WNK2: variants seen among roughly 807,000 people sequenced by gnomAD.
The protein encoded by WNK2 is serine/threonine-protein kinase WNK2.
Under a neutral mutation model 192.1 loss-of-function variants are expected in WNK2, and 67 were observed. The observed-to-expected ratio is 0.35, with a 90% CI of 0.29 to 0.43. WNK2 has a LOEUF of 0.43. WNK2 is among the 20% of genes least tolerant of loss of function. WNK2 has a pLI of 1.00. For missense variants in WNK2, 2,698 were observed against 3,089.7 expected (o/e 0.87, Z 3.01); for synonymous variants, 1,439 against 1,393.9 (o/e 1.03, Z -0.72).
At chr9:93,219,443 T>C (rs1031637982) in intron 2 of WNK2, among the ~76,000 whole-genome samples, 32 of 152,210 alleles carry the variant, frequency 2.1e-4, no homozygotes, top group African/African-American at 7.7e-4. Flanking sequence ...TGGATATGGA[T>C]CCTAGGGAGG....
chr9:93,239,941 GAGA>G lies in WNK2; in HGVS notation c.1510_1512del (p.Lys504del), dbSNP rs1588118018. ...AGCCATAGAGTTCACCTTCGACCTG[GAGA>G]AGGAGACGCCGGATGAGGTGGCCCA... On this transcript the variant is annotated inframe_deletion, in exon 7 of 30. Coordinates refer to ENST00000427277, the MANE Select transcript of WNK2 (RefSeq NM_006648.4). The surrounding 1 kb of genome is among the most constrained non-coding windows in gnomAD (Gnocchi z 4.2). 1 of 1,612,206 alleles carries G rather than the reference GAGA, an allele frequency of 6.2e-7. No homozygotes were observed. The highest frequency in any genetic ancestry group is 1.3e-5 in the African/African-American group (1 of 74,914).
chr9:93,292,937 G>C lies in WNK2; in HGVS notation c.5472G>C (p.Ala1824=), dbSNP rs139167141. 4 of 1,530,160 alleles carry C rather than the reference G, an allele frequency of 2.6e-6. No homozygotes were observed. The highest frequency in any genetic ancestry group is 2.8e-5 in the African/African-American group (2 of 72,414). 94.8% of individuals were successfully genotyped at this position (1,530,160 alleles called of 1,614,324 possible). Residue 1824 remains alanine (A), a synonymous_variant, in exon 23 of 30, where the codon GCG becomes GCC. Transcript: ENST00000427277. The part of the protein sequence containing the change: ...PRARPPVQKQ[A]SLPVSGSVAG... ...CGAGACCCCCGGTGCAGAAGCAGGC[G>C]TCCCTGCCCGTGAGTGGCAGCGTGG... is the stretch of plus-strand genomic sequence containing the variant.
At chr9:93,219,179 A>T (rs552857464) in intron 2 of WNK2, among the ~76,000 whole-genome samples, 1 of 152,380 alleles carries the variant, frequency 6.6e-6, no homozygotes, top group South Asian at 2.1e-4. Context: ...GTGCCTTGGC[A>T]CGAGGTGGCC....
chr9:93,201,202 C>A (rs1832287251), intron 2 of WNK2, among the ~76,000 whole-genome samples: 1 of 152,150 alleles, frequency 6.6e-6, no homozygotes, highest in African/African-American at 2.4e-5. Flanking sequence ...CTTAACAGCC[C>A]CTCTGTGTGG....
chr9:93,259,383 TCCACAACCCACACTGCCC>T lies in WNK2; in HGVS notation c.2845_2862del (p.Thr949_Pro954del), dbSNP rs750220057. 8.7e-6 allele frequency: 14 copies of T among 1,601,344 alleles called. No homozygotes were observed. The African/African-American group carries it at 1.8e-4, about 21-fold the overall frequency. ...CCACCCCTCCACAGCCGGCACTGCC[TCCACAACCCACACTGCCC>T]CCACAACCCGTGCTGCCCCCGCAAC... On this transcript the variant is annotated inframe_deletion, in exon 12 of 30. Transcript: ENST00000427277. This position sits in a 1 kb window ranked among gnomAD's most constrained non-coding sequence, Gnocchi z 4.8.
chr9:93,220,209 T>C (rs1444290434), intron 2 of WNK2, among the ~76,000 whole-genome samples: 2 of 152,202 alleles, frequency 1.3e-5, no homozygotes, highest in Non-Finnish European at 1.5e-5. Flanking sequence ...GGCTGGACAC[T>C]GTGGGGGATG....
At chr9:93,198,395 C>A (rs1831666576) in intron 2 of WNK2, among the ~76,000 whole-genome samples, 1 of 152,226 alleles carries the variant, frequency 6.6e-6, no homozygotes, top group African/African-American at 2.4e-5. Context: ...CCACCTGTTG[C>A]CCATCCAGCT....
In WNK2 at chr9:93,257,187, A is replaced by C; in HGVS notation, c.2382+48A>C. 1 of 1,572,014 alleles carries C rather than the reference A, an allele frequency of 6.4e-7. No individual in the cohort carries two copies. The highest frequency in any genetic ancestry group is 1.1e-5 in the South Asian group (1 of 86,964). On this transcript the variant is annotated intron_variant, in intron 11 of 29. Coordinates refer to ENST00000427277, the MANE Select transcript of WNK2 (RefSeq NM_006648.4). The surrounding 1 kb of genome is among the most constrained non-coding windows in gnomAD (Gnocchi z 4.7). The stretch of plus-strand genomic sequence containing the variant: ...CGTCAGTGGTGGCGCACGCTTTGCC[A>C]GGCCCTGGCTGGTGCACTAGGACAC...
At chr9:93,224,186 C>T (rs548451808) in intron 2 of WNK2, among the ~76,000 whole-genome samples, 37 of 152,354 alleles carry the variant, frequency 2.4e-4, no homozygotes, top group East Asian at 7.7e-4. Context: ...CCCGAGTGTG[C>T]GTGGGGCTCA....
chr9:93,258,880 G>T (rs987388890), intron 11 of WNK2, 51 bp from the exon 12 acceptor site: 16 of 1,525,402 alleles, frequency 1.0e-5, no homozygotes, highest in Non-Finnish European at 1.4e-5. Context: ...AGTGCTGTGG[G>T]CAGGGACCCT....
chr9:93,270,609 C>T (rs2133293591), intron 19 of WNK2, among the ~76,000 whole-genome samples: 1 of 152,318 alleles, frequency 6.6e-6, no homozygotes, highest in South Asian at 2.1e-4. Flanking sequence ...GGAGCAGAAG[C>T]AAATGCTTTG....
At chr9:93,320,239 C>T (rs1855297099) in intron 29 of WNK2, 128 bp from the exon 30 acceptor site, 5 of 1,012,474 alleles carry the variant, frequency 4.9e-6, no homozygotes, top group Non-Finnish European at 5.5e-6. Flanking sequence ...CTACACAGGG[C>T]GTGGGTCATG....
intron 4 of WNK2, among the ~76,000 whole-genome samples, chr9:93,232,665 C>G (rs71496434): frequency 6.6e-6 from 1 of 152,218 alleles, no homozygotes; most frequent in Non-Finnish European, 1.5e-5. Context: ...CTGGGCGGCT[C>G]TTTGCCCTCT....
At chr9:93,231,224 C>T (rs1838738166) in intron 4 of WNK2, 116 bp downstream of exon 4, 3 of 1,019,804 alleles carry the variant, frequency 2.9e-6, no homozygotes, top group Non-Finnish European at 3.0e-6. Flanking sequence ...GTGGGAGGAG[C>T]GTCTGGGCAC....
Position 93,263,820 on chromosome 9 carries a change from G to T in WNK2, c.3579+86G>T. ...GGGGTGGGGCCGTGGCGGGGGTGTG[G>T]TGGGGGTGGGGGGGAGGGGTACTTG... On this transcript the variant is annotated intron_variant, in intron 15 of 29. Coordinates refer to ENST00000427277, the MANE Select transcript of WNK2 (RefSeq NM_006648.4). 3.8e-6 allele frequency: 2 copies of T among 529,074 alleles called. 1 individual carries two copies. The highest frequency in any genetic ancestry group is 6.3e-6 in the Non-Finnish European group (2 of 316,008). The allele number at this position is 529,074 out of a possible 1,614,324, so 32.8% of individuals were successfully genotyped here. A position where few individuals can be genotyped will look rare whatever the true frequency, so the allele number is the denominator to read the frequency against.
rs772990600 is a variant in WNK2, at chr9:93,239,917, G to A, written c.1483G>A (p.Ala495Thr). 6.2e-7 allele frequency: 1 copy of A among 1,612,296 alleles called. No individual in the cohort carries two copies. Among genetic ancestry groups the A allele is most frequent in the Non-Finnish European group, 8.5e-7 (1 of 1,179,232 alleles). ...KLKGKPKDNG[A>T]IEFTFDLEKE... ...GAAGGGAAAGCCCAAGGACAATGGA[G>A]CCATAGAGTTCACCTTCGACCTGGA... Residue 495 changes from alanine (A) to threonine (T), a missense_variant, in exon 7 of 30, where the codon GCC becomes ACC. Physicochemically the swap from Ala to Thr is moderately conservative, Grantham distance 58 (BLOSUM62 0). Around this residue, in one of 7 missense-constraint regions of WNK2, gnomAD observed 230 missense variants for 501.1 expected, o/e 0.46. Transcript: ENST00000427277. This position sits in a 1 kb window ranked among gnomAD's most constrained non-coding sequence, Gnocchi z 4.2.
intron 21 of WNK2, 81 bp downstream of exon 21, chr9:93,290,128 C>G (rs1162224967): frequency 1.6e-6 from 2 of 1,258,616 alleles, no homozygotes; most frequent in Middle Eastern, 2.6e-4. Flanking sequence ...TCCGCACCCT[C>G]GTCTTTCATC....
chr9:93,267,989 G>A, intron 17 of WNK2, 31 bp from the exon 18 acceptor site: 1 of 1,608,684 alleles, frequency 6.2e-7, no homozygotes, highest in Non-Finnish European at 8.5e-7. Context: ...GCAGCTCAGT[G>A]GGCTCATTTC....
chr9:93,229,487 C>T lies in WNK2; in HGVS notation c.682-209C>T, dbSNP rs905946311. Among the ~76,000 whole-genome samples the T allele has an allele frequency of 6.6e-6, 1 of 152,078 alleles. No individual in the cohort carries two copies. The highest frequency in any genetic ancestry group is 2.4e-5 in the African/African-American group (1 of 41,394). On this transcript the variant is annotated intron_variant, in intron 2 of 29. Coordinates refer to ENST00000427277, the MANE Select transcript of WNK2 (RefSeq NM_006648.4). The surrounding 1 kb of genome is among the most constrained non-coding windows in gnomAD (Gnocchi z 4.9). ...CCTAGGATGTCTTTTTGCTGAGGTC[C>T]CTTTTTGGGGGCTGTGTCCAGGGTT...
Sources: gnomAD v4.1 joint callset for allele counts (sites outside exome capture counted in the v4.1 genomes callset) on GRCh38, gnomAD v4.1.1 for gene constraint, gnomAD v4.1.1 regional missense constraint, Gnocchi (gnomAD v3.1) non-coding constraint, MANE v1.5 for transcripts, NCBI Gene and HGNC (gene_info 2026-07-23, HGNC 2026-07-21) for gene names.